Variants in CCSER1 observed in about 807,000 individuals in gnomAD.
CCSER1 encodes serine-rich coiled-coil domain-containing protein 1.
In CCSER1, 41 loss-of-function variants were observed where a neutral mutation model predicts 82.0. The observed-to-expected ratio is 0.50, with a 90% CI of 0.39 to 0.65. The LOEUF (loss-of-function observed/expected upper bound fraction) is 0.65, where lower values mean the gene tolerates loss of function less well. Among genes scored for constraint, CCSER1 ranks in the 30% least tolerant of loss-of-function variants. CCSER1 has a pLI of 0.00. For synonymous variants in CCSER1, 414 were observed against 383.9 expected (o/e 1.08, Z -0.92); for missense variants, 1,119 against 1,064.2 (o/e 1.05, Z -0.72).
At chr4:90,585,753 T>G (rs544476632) in intron 5 of CCSER1, among the ~76,000 whole-genome samples, 3 of 152,286 alleles carry the variant, frequency 2.0e-5, no homozygotes, top group African/African-American at 7.2e-5. Flanking sequence ...AAGTACTGAT[T>G]TCTCAGCCCT....
intron 7 of CCSER1, among the ~76,000 whole-genome samples, chr4:90,814,258 A>C (rs910402787): frequency 3.3e-5 from 5 of 152,304 alleles, no homozygotes; most frequent in African/African-American, 1.2e-4. Context: ...CACAGCCCAC[A>C]AAACCATTTT....
At chr4:91,365,649 T>C (rs909723641) in intron 10 of CCSER1, among the ~76,000 whole-genome samples, 5 of 152,148 alleles carry the variant, frequency 3.3e-5, no homozygotes, top group Admixed American at 6.5e-5. Flanking sequence ...TTTAAAACAA[T>C]TAAATTATTT....
At chr4:90,302,473 T>A (rs1326688447) in intron 1 of CCSER1, among the ~76,000 whole-genome samples, 1 of 152,162 alleles carries the variant, frequency 6.6e-6, no homozygotes, top group Middle Eastern at 3.4e-3. Flanking sequence ...TGGACCCAAA[T>A]CTCCAAAGGT....
chr4:90,759,366 G>A (rs923787842), intron 7 of CCSER1, among the ~76,000 whole-genome samples: 1 of 152,046 alleles, frequency 6.6e-6, no homozygotes, highest in African/African-American at 2.4e-5. Context: ...TAAAGATATT[G>A]GGAATAGGAC....
chr4:91,383,351 CT>C (rs967825078), intron 10 of CCSER1, among the ~76,000 whole-genome samples: 26 of 148,568 alleles, frequency 1.8e-4, no homozygotes, highest in African/African-American at 4.9e-4. Flanking sequence ...TGTTATCTCA[CT>C]TTTTTTTTTC....
chr4:90,959,723 G>C (rs980053134), intron 9 of CCSER1, among the ~76,000 whole-genome samples: 9 of 148,224 alleles, frequency 6.1e-5, no homozygotes, highest in Admixed American at 5.5e-4. Flanking sequence ...TCCTGTGGAA[G>C]TTCTGCCTCG....
intron 7 of CCSER1, among the ~76,000 whole-genome samples, chr4:90,805,610 G>T (rs558195396): frequency 6.6e-6 from 1 of 152,156 alleles, no homozygotes; most frequent in Non-Finnish European, 1.5e-5. Flanking sequence ...AGGAATACTA[G>T]CAAAGGGTTT....
At chr4:90,895,975 G>A (rs1224085041) in intron 8 of CCSER1, among the ~76,000 whole-genome samples, 1 of 151,948 alleles carries the variant, frequency 6.6e-6, no homozygotes, top group Non-Finnish European at 1.5e-5. Context: ...AACTGGAAGA[G>A]AGAACACAGT....
At chr4:91,333,067 C>T (rs374439027) in intron 10 of CCSER1, among the ~76,000 whole-genome samples, 2 of 152,154 alleles carry the variant, frequency 1.3e-5, no homozygotes, top group South Asian at 2.1e-4. Flanking sequence ...AGCATCTAAA[C>T]ATCCATTCTT....
At chr4:90,730,891 TATC>T (rs1281682503) in intron 7 of CCSER1, among the ~76,000 whole-genome samples, 53 of 152,184 alleles carry the variant, frequency 3.5e-4, no homozygotes, top group Non-Finnish European at 1.0e-4. Flanking sequence ...AGAGAAATCT[TATC>T]ATAAAAGGTC....
intron 10 of CCSER1, among the ~76,000 whole-genome samples, chr4:91,406,094 C>G (rs1031805351): frequency 1.3e-5 from 2 of 151,970 alleles, no homozygotes; most frequent in African/African-American, 4.8e-5. Context: ...GAAGAAAGTG[C>G]AAAACAGAGA....
At chr4:91,082,145 T>C (rs867240926) in intron 9 of CCSER1, among the ~76,000 whole-genome samples, 9 of 152,278 alleles carry the variant, frequency 5.9e-5, no homozygotes, top group South Asian at 2.1e-4. Context: ...GGAGGCATCA[T>C]GCTACCTGAC....
intron 10 of CCSER1, among the ~76,000 whole-genome samples, chr4:91,097,807 G>T (rs1263942638): frequency 6.6e-6 from 1 of 152,086 alleles, no homozygotes; most frequent in Non-Finnish European, 1.5e-5. Flanking sequence ...TAGGAAAAAA[G>T]TGTACATTTT....
rs796223678 is a variant in CCSER1 at position 91,493,817 on chromosome 4, A to AT, written c.2218-104747dup. ...CTTTTCTAGATACCACAAATATCTA[A>AT]TTTTTTTTAAAAAAAGTTTGAGCCA... On this transcript the variant is annotated intron_variant, in intron 10 of 10. Coordinates refer to ENST00000509176, the MANE Select transcript of CCSER1 (RefSeq NM_001145065.2). 2.6e-5 allele frequency among the ~76,000 whole-genome samples: 4 copies of AT among 151,742 alleles called. No individual in the cohort carries two copies. In the Admixed American group the frequency reaches 2.6e-4, roughly 10 times the overall value.
intron 5 of CCSER1, among the ~76,000 whole-genome samples, chr4:90,529,227 T>G (rs1284372036): frequency 6.6e-6 from 1 of 152,124 alleles, no homozygotes; most frequent in African/African-American, 2.4e-5. Context: ...TATTTTTTAT[T>G]TTTTTGCGAG....
At chr4:90,865,229 T>C (rs1022781554) in intron 8 of CCSER1, among the ~76,000 whole-genome samples, 1 of 152,070 alleles carries the variant, frequency 6.6e-6, no homozygotes, top group African/African-American at 2.4e-5. Context: ...GGCTAGAAAT[T>C]GTCTTCAGAT....
At chr4:91,437,534 A>G (rs1283902696) in intron 10 of CCSER1, among the ~76,000 whole-genome samples, 3 of 152,240 alleles carry the variant, frequency 2.0e-5, no homozygotes, top group Admixed American at 6.5e-5. Flanking sequence ...TCCGGTCTAC[A>G]GCTCCCAGCG....
intron 10 of CCSER1, among the ~76,000 whole-genome samples, chr4:91,417,024 C>A (rs1753406098): frequency 1.3e-5 from 2 of 152,002 alleles, no homozygotes; most frequent in South Asian, 2.1e-4. Flanking sequence ...AACTGAACAA[C>A]CCCATTAAAA....
chr4:91,211,063 T>A (rs4693268), intron 10 of CCSER1, among the ~76,000 whole-genome samples: 1 of 151,752 alleles, frequency 6.6e-6, no homozygotes, highest in African/African-American at 2.4e-5. Context: ...TATTGGGAAA[T>A]GATTCATGAT....
Sources: allele counts gnomAD v4.1 joint callset (sites outside exome capture counted in the v4.1 genomes callset), GRCh38; gene constraint gnomAD v4.1.1; transcripts MANE v1.5; gene names NCBI Gene and HGNC (gene_info 2026-07-23, HGNC 2026-07-21).